Variants in FNDC3B observed in about 807,000 individuals in gnomAD.
FNDC3B encodes the protein fibronectin type III domain containing 3B.
Under a neutral mutation model 151.5 loss-of-function variants are expected in FNDC3B, and 12 were observed. The ratio of observed to expected loss-of-function variants is 0.08; its 90% CI spans 0.05 to 0.13. The LOEUF (loss-of-function observed/expected upper bound fraction) is 0.13, where lower values mean the gene tolerates loss of function less well. Among genes scored for constraint, FNDC3B ranks in the 10% least tolerant of loss-of-function variants. FNDC3B has a pLI of 1.00. For missense variants in FNDC3B, 1,214 were observed against 1,505.3 expected (o/e 0.81, Z 3.20); for synonymous variants, 528 against 549.0 (o/e 0.96, Z 0.54).
intron 1 of FNDC3B, among the ~76,000 whole-genome samples, chr3:172,055,859 C>A (rs1716887318): frequency 6.6e-6 from 1 of 151,988 alleles, no homozygotes; most frequent in African/African-American, 2.4e-5. Flanking sequence ...CGGCTCACTG[C>A]AAGCTCTGCC....
intron 6 of FNDC3B, among the ~76,000 whole-genome samples, chr3:172,265,631 T>C: frequency 6.6e-6 from 1 of 152,326 alleles, no homozygotes; most frequent in Non-Finnish European, 1.5e-5. Context: ...GTTATTATAC[T>C]TTATTTAGGT....
intron 2 of FNDC3B, among the ~76,000 whole-genome samples, chr3:172,127,949 C>T (rs1292884745): frequency 6.6e-6 from 1 of 152,240 alleles, no homozygotes; most frequent in Non-Finnish European, 1.5e-5. Flanking sequence ...TGAGCCACCA[C>T]ACCCGGCCGA....
intron 3 of FNDC3B, among the ~76,000 whole-genome samples, chr3:172,184,640 C>T (rs773620490): frequency 6.6e-6 from 1 of 152,144 alleles, no homozygotes; most frequent in South Asian, 2.1e-4. Flanking sequence ...GTATACCTCA[C>T]AGGGCAGTGT....
intron 19 of FNDC3B, among the ~76,000 whole-genome samples, chr3:172,345,031 G>C (rs544301123): frequency 6.6e-6 from 1 of 151,898 alleles, no homozygotes; most frequent in Non-Finnish European, 1.5e-5. Flanking sequence ...CAAATAAATA[G>C]AATTAATTAA....
At chr3:172,199,263 T>G (rs1258411285) in intron 3 of FNDC3B, among the ~76,000 whole-genome samples, 6 of 151,684 alleles carry the variant, frequency 4.0e-5, no homozygotes, top group Non-Finnish European at 7.4e-5. Flanking sequence ...CTCTGCAGGC[T>G]CCGCCTCCCG....
chr3:172,334,850 T>C (rs1560084798), intron 14 of FNDC3B, 94 bp from the exon 15 acceptor site: 3 of 1,122,066 alleles, frequency 2.7e-6, no homozygotes, highest in Non-Finnish European at 3.9e-6. Context: ...TCTGAGTTTA[T>C]GGGTGCCTTA....
chr3:172,267,368 C>T (rs1181195613), intron 6 of FNDC3B, among the ~76,000 whole-genome samples: 1 of 152,166 alleles, frequency 6.6e-6, no homozygotes, highest in African/African-American at 2.4e-5. Context: ...GTTGCCCAGG[C>T]TGGTCTTGAA....
chr3:172,282,275 C>T (rs1161289528), intron 6 of FNDC3B, among the ~76,000 whole-genome samples: 2 of 152,162 alleles, frequency 1.3e-5, no homozygotes, highest in Admixed American at 6.5e-5. Flanking sequence ...TGTGGCAGCA[C>T]GAATGGAAAA....
chr3:172,373,466 C>T (rs189919142), intron 23 of FNDC3B, among the ~76,000 whole-genome samples: 15 of 152,302 alleles, frequency 9.8e-5, no homozygotes, highest in Non-Finnish European at 2.1e-4. Flanking sequence ...ATGCTGTTCT[C>T]CTCTTCATGG....
chr3:172,232,231 G>T lies in FNDC3B; in HGVS notation c.264+5284G>T, dbSNP rs540595993. Among the ~76,000 whole-genome samples the T allele has an allele frequency of 2.0e-5, 3 of 152,248 alleles. No individual in the cohort carries two copies. The South Asian group carries it at 6.2e-4, about 32-fold the overall frequency. ...TTGAAGAGGGAGGCAAGTAAATCAAGATTTTATGGTAATAACTCTAATCTG... is the reference window on the plus strand; with the variant it reads ...TTGAAGAGGGAGGCAAGTAAATCAATATTTTATGGTAATAACTCTAATCTG... On this transcript the variant is annotated intron_variant, in intron 4 of 25. Transcript: ENST00000415807.
chr3:172,219,670 G>A (rs996674657), intron 3 of FNDC3B, among the ~76,000 whole-genome samples: 4 of 152,136 alleles, frequency 2.6e-5, no homozygotes, highest in African/African-American at 9.7e-5. Context: ...TCTGAGTTCT[G>A]TTTCTGTAGA....
chr3:172,130,198 A>G (rs895103096), intron 2 of FNDC3B, among the ~76,000 whole-genome samples: 5 of 152,168 alleles, frequency 3.3e-5, no homozygotes, highest in African/African-American at 1.2e-4. Flanking sequence ...CTTTATTGAC[A>G]ATGAAAACAG....
At chr3:172,314,854 G>T (rs1348537423) in intron 11 of FNDC3B, among the ~76,000 whole-genome samples, 1 of 152,146 alleles carries the variant, frequency 6.6e-6, no homozygotes, top group South Asian at 2.1e-4. Context: ...AAACAGAAAC[G>T]CATTACAGTA....
At chr3:172,187,575 A>C (rs1266882485) in intron 3 of FNDC3B, among the ~76,000 whole-genome samples, 1 of 152,246 alleles carries the variant, frequency 6.6e-6, no homozygotes, top group Non-Finnish European at 1.5e-5. Flanking sequence ...TTACTTCTAC[A>C]ACTTTTAAAC....
intron 3 of FNDC3B, among the ~76,000 whole-genome samples, chr3:172,217,885 C>T (rs1726071117): frequency 6.6e-6 from 1 of 152,136 alleles, no homozygotes; most frequent in Non-Finnish European, 1.5e-5. Flanking sequence ...CAGAATTGTT[C>T]ACTAACGCTG....
intron 3 of FNDC3B, among the ~76,000 whole-genome samples, chr3:172,176,705 A>T (rs1206456308): frequency 6.6e-6 from 1 of 152,212 alleles, no homozygotes; most frequent in Non-Finnish European, 1.5e-5. Flanking sequence ...TAGTGTTTAA[A>T]TGATGTCTGT....
intron 6 of FNDC3B, among the ~76,000 whole-genome samples, chr3:172,253,893 C>G (rs1728208375): frequency 6.6e-6 from 1 of 152,048 alleles, no homozygotes; most frequent in South Asian, 2.1e-4. Flanking sequence ...CATTCTCCTG[C>G]CTCACTCTCC....
intron 5 of FNDC3B, among the ~76,000 whole-genome samples, chr3:172,248,236 C>A (rs1010029859): frequency 1.3e-5 from 2 of 152,124 alleles, no homozygotes; most frequent in East Asian, 3.8e-4. Flanking sequence ...TCTCAAGAAC[C>A]TTTAGGTTTC....
intron 16 of FNDC3B, among the ~76,000 whole-genome samples, chr3:172,338,798 G>A (rs768014373): frequency 3.3e-5 from 5 of 152,154 alleles, no homozygotes; most frequent in African/African-American, 7.2e-5. Context: ...GTGCAGTGGC[G>A]TGATCTCGGC....
Sources: allele counts gnomAD v4.1 joint callset (sites outside exome capture counted in the v4.1 genomes callset), GRCh38; gene constraint gnomAD v4.1.1; transcripts MANE v1.5; gene names NCBI Gene and HGNC (gene_info 2026-07-23, HGNC 2026-07-21).